Variants in MAP4K4 observed in about 807,000 individuals in gnomAD.
The protein encoded by MAP4K4 is mitogen-activated protein kinase kinase kinase kinase 4, also known as HPK/GCK-like kinase HGK.
In MAP4K4, 38 loss-of-function variants were observed where a neutral mutation model predicts 189.6. The observed-to-expected ratio is 0.20, with a 90% confidence interval of 0.15 to 0.26. The LOEUF is 0.26. Ranked by LOEUF, MAP4K4 falls within the 10% of genes least tolerant of loss-of-function variation. The pLI is 1.00. For missense variants in MAP4K4, 1,054 were observed against 1,726.9 expected (o/e 0.61, Z 6.91); for synonymous variants, 610 against 624.3 (o/e 0.98, Z 0.34).
chr2:101,831,144 A>G (rs1212595774), intron 6 of MAP4K4, among the ~76,000 whole-genome samples: 1 of 152,142 alleles, frequency 6.6e-6, no homozygotes, highest in East Asian at 1.9e-4. Flanking sequence ...CCTCTAGACC[A>G]CCACCACCAT....
chr2:101,752,642 C>T (rs548677115), intron 2 of MAP4K4, among the ~76,000 whole-genome samples: 1 of 152,236 alleles, frequency 6.6e-6, no homozygotes, highest in African/African-American at 2.4e-5. Flanking sequence ...AGTGCTTTCA[C>T]CTATGAGGAT....
chr2:101,797,890 T>TGTTTTTTTG (rs1553478619), intron 3 of MAP4K4, among the ~76,000 whole-genome samples: 1 of 23,240 alleles, frequency 4.3e-5, no homozygotes, highest in African/African-American at 1.9e-4. Flanking sequence ...ATTCTTTTAG[T>TGTTTTTTTG]TTTTTTTTTT....
intron 2 of MAP4K4, among the ~76,000 whole-genome samples, chr2:101,711,615 G>T (rs2045596149): frequency 6.6e-6 from 1 of 152,126 alleles, no homozygotes; most frequent in Non-Finnish European, 1.5e-5. Context: ...TAGGTAAAAT[G>T]ATGTTGTGGT....
intron 3 of MAP4K4, among the ~76,000 whole-genome samples, chr2:101,815,707 A>G (rs2095669902): frequency 6.6e-6 from 1 of 152,072 alleles, no homozygotes; most frequent in South Asian, 2.1e-4. Flanking sequence ...CGAAGATTTG[A>G]TTTTGGGATT....
At position 101,842,604 on chromosome 2, in the gene MAP4K4, C is replaced by T. The variant is rs773900151; in HGVS notation, c.950-5C>T. 1.3e-6 allele frequency: 2 copies of T among 1,592,990 alleles called. No individual in the cohort carries two copies. The highest frequency in any genetic ancestry group is 3.5e-5 in the Admixed American group (2 of 57,264). ...GTCCCATTTATCTTGTCCTTTTCTT[C>T]ATAGATGAAACTGAGTATGAGTACA... On this transcript the variant is annotated splice_polypyrimidine_tract_variant and splice_region_variant and intron_variant, in intron 10 of 32. Transcript: ENST00000324219.
In MAP4K4 at chr2:101,764,998, G is replaced by A. The variant is rs2078001408; in HGVS notation, c.124-25722G>A. ...GTAGGTAATATACCATTATCAGATG[G>A]TCCAAAAAATGTTAATCAGAATTTA... On this transcript the variant is annotated intron_variant, in intron 2 of 32. Coordinates refer to ENST00000324219, the Ensembl canonical transcript of MAP4K4. Among the ~76,000 whole-genome samples the A allele has an allele frequency of 2.0e-5, 3 of 152,076 alleles. No individual in the cohort carries two copies. In the South Asian group the frequency reaches 6.2e-4, roughly 31 times the overall value.
chr2:101,770,836 TGG>T (rs1345537943), intron 2 of MAP4K4, among the ~76,000 whole-genome samples: 2 of 152,206 alleles, frequency 1.3e-5, no homozygotes, highest in African/African-American at 4.8e-5. Flanking sequence ...ACATTTAAAC[TGG>T]AGTAGACAAC....
intron 2 of MAP4K4, among the ~76,000 whole-genome samples, chr2:101,718,596 T>A (rs1386732758): frequency 4.1e-4 from 2 of 4,908 alleles, no homozygotes; most frequent in African/African-American, 7.9e-4. Flanking sequence ...AGTGGAAGGG[T>A]GGGGGATGGG....
intron 2 of MAP4K4, among the ~76,000 whole-genome samples, chr2:101,700,270 C>T (rs1388488812): frequency 6.6e-6 from 1 of 152,326 alleles, no homozygotes; most frequent in South Asian, 2.1e-4. Context: ...AGAGTTTAGT[C>T]AGGTTCATTG....
At chr2:101,810,300 T>G (rs73943787) in intron 3 of MAP4K4, among the ~76,000 whole-genome samples, 3,004 of 152,260 alleles carry the variant, frequency 0.02, 115 homozygotes, top group African/African-American at 0.068. Flanking sequence ...CCTGTGGGTT[T>G]TTTTTAAATA....
At position 101,702,160 on chromosome 2, in the gene MAP4K4, C is replaced by T. The variant is rs368732476; in HGVS notation, c.123+3622C>T. Among the ~76,000 whole-genome samples the T allele has an allele frequency of 2.2e-4, 34 of 152,236 alleles. 1 individual carries two copies. The highest frequency in any genetic ancestry group is 3.4e-3 in the Middle Eastern group (1 of 294). Reference sequence around the variant, plus strand: ...GTATACAGGCATGAGCCACTGCACCCGGCCTTATTGTTATTTTAAATATTT... The same window carrying T: ...GTATACAGGCATGAGCCACTGCACCTGGCCTTATTGTTATTTTAAATATTT... On this transcript the variant is annotated intron_variant, in intron 2 of 32. Coordinates refer to ENST00000324219, the Ensembl canonical transcript of MAP4K4.
At chr2:101,835,801 CGATG>C in intron 8 of MAP4K4, 95 bp from the exon 9 acceptor site, 1 of 766,148 alleles carries the variant, frequency 1.3e-6, no homozygotes, top group Non-Finnish European at 2.3e-6. Context: ...GTCAGTCAGA[CGATG>C]GGCCAGAGCA....
Position 101,786,227 on chromosome 2 carries a change from A to T in MAP4K4, c.124-4493A>T, listed in dbSNP as rs139384290. Reference sequence around the variant, plus strand: ...CAGGGGCAGATTTCATTAGAGGCAGACAAATAGGCTGCCATAGTGCCCCGC... The same window carrying T: ...CAGGGGCAGATTTCATTAGAGGCAGTCAAATAGGCTGCCATAGTGCCCCGC... On this transcript the variant is annotated intron_variant, in intron 2 of 32. Transcript: ENST00000324219. 4.7e-3 allele frequency among the ~76,000 whole-genome samples: 720 copies of T among 152,286 alleles called. 5 individuals carry two copies. Among genetic ancestry groups the T allele is most frequent in the African/African-American group, 0.017 (689 of 41,564 alleles).
chr2:101,870,246 C>T, intron 22 of MAP4K4, 49 bp from the exon 23 acceptor site: 2 of 1,595,846 alleles, frequency 1.3e-6, no homozygotes, highest in Non-Finnish European at 1.7e-6. Context: ...ACAGGATCTC[C>T]TTGACTCCAG....
At chr2:101,805,072 C>CAAA (rs36081384) in intron 3 of MAP4K4, among the ~76,000 whole-genome samples, 22 of 56,404 alleles carry the variant, frequency 3.9e-4, no homozygotes, top group Admixed American at 6.1e-4. Flanking sequence ...GACTCCAGAT[C>CAAA]AAAAAAAAAA....
intron 27 of MAP4K4, among the ~76,000 whole-genome samples, chr2:101,880,392 T>G (rs2098349389): frequency 6.6e-6 from 1 of 151,654 alleles, no homozygotes; most frequent in East Asian, 1.9e-4. Context: ...TTGTGTAGAT[T>G]TATTTTCTTT....
At chr2:101,741,871 A>T (rs930039145) in intron 2 of MAP4K4, among the ~76,000 whole-genome samples, 3 of 152,168 alleles carry the variant, frequency 2.0e-5, no homozygotes, top group African/African-American at 7.2e-5. Flanking sequence ...AATTGGTTAC[A>T]CGGGGTTGTG....
chr2:101,876,478 G>A (rs973279808), intron 26 of MAP4K4, among the ~76,000 whole-genome samples: 1 of 152,234 alleles, frequency 6.6e-6, no homozygotes, highest in Non-Finnish European at 1.5e-5. Flanking sequence ...ATGGTGGAAA[G>A]TGATCTTTAA....
At chr2:101,703,991 G>A (rs1015579511) in intron 2 of MAP4K4, among the ~76,000 whole-genome samples, 3 of 152,060 alleles carry the variant, frequency 2.0e-5, no homozygotes, top group Non-Finnish European at 4.4e-5. Flanking sequence ...CTCTAGCCTG[G>A]GTGACAGAGC....
Sources: allele counts gnomAD v4.1 joint callset (sites outside exome capture counted in the v4.1 genomes callset), GRCh38; gene constraint gnomAD v4.1.1; transcripts MANE v1.5; gene names NCBI Gene and HGNC (gene_info 2026-07-23, HGNC 2026-07-21).